Variants in SVIL observed in about 807,000 individuals in gnomAD.
SVIL encodes the protein archvillin.
A neutral mutation model predicts 240.4 loss-of-function variants in SVIL; 101 were observed. The ratio of observed to expected loss-of-function variants is 0.42; its 90% confidence interval spans 0.36 to 0.50. The LOEUF (loss-of-function observed/expected upper bound fraction) is 0.50. SVIL is among the 20% of genes least tolerant of loss of function. The probability of loss-of-function intolerance (pLI) is 0.01; values close to 1 mark genes in which losing one functional copy is unlikely to be tolerated. For missense variants in SVIL, 2,512 were observed against 2,818.7 expected, an observed-to-expected ratio of 0.89 and a Z score of 2.46; for synonymous variants, 999 against 1,100.0, an observed-to-expected ratio of 0.91 and a Z score of 1.82.
chr10:29,574,983 G>C (rs905966310), intron 1 of SVIL, among the ~76,000 whole-genome samples: 1 of 152,128 alleles, frequency 6.6e-6, no homozygotes, highest in African/African-American at 2.4e-5. Flanking sequence ...GTGGGGTGTG[G>C]GTGTTGTGTA....
At chr10:29,603,422 G>T (rs1050903687) in intron 1 of SVIL, among the ~76,000 whole-genome samples, 1 of 152,206 alleles carries the variant, frequency 6.6e-6, no homozygotes, top group Admixed American at 6.5e-5. Context: ...ATAAAATGCT[G>T]TATGTACTCA....
At chr10:29,631,440 G>C (rs1249433075) in intron 1 of SVIL, among the ~76,000 whole-genome samples, 2 of 151,306 alleles carry the variant, frequency 1.3e-5, no homozygotes, top group African/African-American at 2.4e-5. Flanking sequence ...TCAGGATTTC[G>C]AGACCAGCCT....
chr10:29,503,228 G>A (rs183036717), intron 17 of SVIL, among the ~76,000 whole-genome samples: 116 of 152,222 alleles, frequency 7.6e-4, no homozygotes, highest in African/African-American at 2.6e-3. Flanking sequence ...TCAGTCCCTC[G>A]TCACTGCATA....
At chr10:29,474,050 T>C (rs1945891344) in intron 29 of SVIL, 61 bp from the exon 30 acceptor site, 2 of 1,582,428 alleles carry the variant, frequency 1.3e-6, no homozygotes, top group Non-Finnish European at 1.7e-6. Context: ...GAGAAGCAAA[T>C]GTCTGGCTCA....
At chr10:29,611,947 T>C (rs1957260953) in intron 1 of SVIL, among the ~76,000 whole-genome samples, 1 of 152,114 alleles carries the variant, frequency 6.6e-6, no homozygotes, top group African/African-American at 2.4e-5. Context: ...CTCCAGGAGA[T>C]ACCAAATGGC....
chr10:29,523,539 T>G lies in SVIL; in HGVS notation c.3075A>C (p.Ala1025=), dbSNP rs766524606. The change falls in exon 15 of 38, where the codon GCA becomes GCC. Residue 1025 remains alanine (A), a synonymous_variant. Coordinates refer to ENST00000355867, the MANE Select transcript of SVIL (RefSeq NM_021738.3). ...PKEFSMAKMN[A]QGNLDLRDRL... ...TGTCCCTCAAGTCCAAGTTTCCTTG[T>G]GCATTCATTTTAGCCATGGAAAATT... The G allele has an allele frequency of 4.3e-6, 7 of 1,614,094 alleles. No homozygotes were observed. The highest frequency in any genetic ancestry group is 3.3e-5 in the Admixed American group (2 of 60,008).
chr10:29,559,992 A>G (rs1305147789), intron 3 of SVIL, among the ~76,000 whole-genome samples: 1 of 152,194 alleles, frequency 6.6e-6, no homozygotes, highest in Non-Finnish European at 1.5e-5. Context: ...TCTGGTTAAG[A>G]CATTGTTGAG....
At chr10:29,510,270 C>A (rs2132481037) in intron 17 of SVIL, among the ~76,000 whole-genome samples, 1 of 152,292 alleles carries the variant, frequency 6.6e-6, no homozygotes, top group South Asian at 2.1e-4. Context: ...CTTTTGAGAC[C>A]AATCCATTGA....
chr10:29,529,175 CAA>C (rs66523560), intron 12 of SVIL, among the ~76,000 whole-genome samples: 22,268 of 66,138 alleles, frequency 0.34, 2,075 homozygotes, highest in African/African-American at 0.45. Context: ...GACTCTCTCT[CAA>C]AAAAAAAAAA....
At chr10:29,668,238 C>T (rs1176926716) in intron 2 of SVIL, among the ~76,000 whole-genome samples, 2 of 151,672 alleles carry the variant, frequency 1.3e-5, no homozygotes, top group Non-Finnish European at 2.9e-5. Flanking sequence ...GAGACCCTGT[C>T]TCAAAAAAAG....
At chr10:29,689,007 A>G (rs936806654) in intron 1 of SVIL, among the ~76,000 whole-genome samples, 2 of 152,214 alleles carry the variant, frequency 1.3e-5, no homozygotes, top group Non-Finnish European at 2.9e-5. Flanking sequence ...GAAATCATAA[A>G]AGGCACATAT....
chr10:29,608,258 C>CT (rs1957098650), intron 1 of SVIL, among the ~76,000 whole-genome samples: 1 of 152,252 alleles, frequency 6.6e-6, no homozygotes, highest in African/African-American at 2.4e-5. Flanking sequence ...ATTACCTCTG[C>CT]TGCAAAGTCC....
chr10:29,694,555 G>A (rs1254728162), intron 1 of SVIL, among the ~76,000 whole-genome samples: 2 of 152,086 alleles, frequency 1.3e-5, no homozygotes, highest in African/African-American at 4.8e-5. Context: ...CACCTCCCGG[G>A]TTCAAGTGAT....
chr10:29,604,422 A>G (rs1448591600), intron 1 of SVIL, among the ~76,000 whole-genome samples: 1 of 122,098 alleles, frequency 8.2e-6, no homozygotes, highest in Non-Finnish European at 1.6e-5. Context: ...GGGTTTTGCC[A>G]CGTTGGCCAG....
At chr10:29,721,850 T>A (rs139162050) in intron 1 of SVIL, among the ~76,000 whole-genome samples, 14 of 152,360 alleles carry the variant, frequency 9.2e-5, no homozygotes, top group African/African-American at 3.1e-4. Flanking sequence ...TATTTTGACA[T>A]CTTACTGGTA....
chr10:29,490,560 G>T (rs1219890706), intron 22 of SVIL, among the ~76,000 whole-genome samples: 4 of 146,398 alleles, frequency 2.7e-5, no homozygotes, highest in African/African-American at 5.1e-5. Context: ...ATGAGCCTGG[G>T]CAATATGATG....
chr10:29,709,187 G>A (rs987335749), intron 1 of SVIL, among the ~76,000 whole-genome samples: 2 of 152,170 alleles, frequency 1.3e-5, no homozygotes, highest in African/African-American at 2.4e-5. Flanking sequence ...GACCAGAAGT[G>A]TTTCAGATTT....
At chr10:29,645,548 C>T (rs57528212) in intron 3 of SVIL, among the ~76,000 whole-genome samples, 24,705 of 151,890 alleles carry the variant, frequency 0.16, 2,118 homozygotes, top group East Asian at 0.25. Flanking sequence ...CCAGCCTGGG[C>T]GATAGAGTGA....
At chr10:29,632,109 G>A (rs759739956) in intron 1 of SVIL, among the ~76,000 whole-genome samples, 3 of 152,198 alleles carry the variant, frequency 2.0e-5, no homozygotes, top group South Asian at 4.1e-4. Context: ...CATGTAGCCC[G>A]AGAGCCCTGC....
Sources: allele counts gnomAD v4.1 joint callset (sites outside exome capture counted in the v4.1 genomes callset), GRCh38; gene constraint gnomAD v4.1.1; transcripts MANE v1.5; gene names NCBI Gene and HGNC (gene_info 2026-07-23, HGNC 2026-07-21).